The following FAM107A variants were observed in gnomAD, a reference collection of about 807,000 sequenced individuals.
The protein encoded by FAM107A is family with sequence similarity 107 member A, also known as actin-associated protein FAM107A.
FAM107A carries 19 observed loss-of-function variants against 13.7 expected under a neutral mutation model. That is an observed-to-expected ratio of 1.38 (90% CI 0.97 to 2.03). The LOEUF is 2.03. Among genes scored for constraint, FAM107A ranks in the 30% most tolerant of loss-of-function variants. The pLI, the probability that FAM107A is intolerant of heterozygous loss-of-function variation, is 0.00. For missense variants in FAM107A, 203 were observed against 184.4 expected (o/e 1.10, Z -0.58); for synonymous variants, 82 against 74.5 (o/e 1.10, Z -0.52).
chr3:58,566,483 A>T lies in FAM107A; in HGVS notation c.*105T>A. 2 of 803,156 alleles carry T rather than the reference A, an allele frequency of 2.5e-6. No homozygotes were observed. Among genetic ancestry groups the T allele is most frequent in the Non-Finnish European group, 4.2e-6 (2 of 481,700 alleles). The allele number at this position is 803,156 out of a possible 1,614,324, so 49.8% of individuals were successfully genotyped here. A position where few individuals can be genotyped will look rare whatever the true frequency, so the allele number is the denominator to read the frequency against. On this transcript the variant is annotated 3_prime_UTR_variant, in exon 4 of 4. Coordinates refer to ENST00000360997, the MANE Select transcript of FAM107A (RefSeq NM_001076778.3). ...CATTTCTACAGAAGCAGGTGGGAAC[A>T]TCACAGACGTCCCAGGGCCTGGGGC...
upstream of FAM107A, chr3:58,589,201 C>A (rs1034439502): frequency 6.5e-7 from 1 of 1,529,044 alleles, no homozygotes; most frequent in Admixed American, 2.0e-5. Context: ...GCGGGTCTGA[C>A]TTACCTGAGC....
chr3:58,603,049 G>C (rs1243511133), intron 1 of FAM107A, among the ~76,000 whole-genome samples: 1 of 152,174 alleles, frequency 6.6e-6, no homozygotes, highest in Non-Finnish European at 1.5e-5. Context: ...CATTTTCATA[G>C]TTCTCTGCAT....
At position 58,617,642 on chromosome 3, in the gene FAM107A, G is replaced by A. The variant is rs1002728800; in HGVS notation, c.-70+9774C>T. 1.3e-5 allele frequency among the ~76,000 whole-genome samples: 2 copies of A among 152,066 alleles called. No individual in the cohort carries two copies. The highest frequency in any genetic ancestry group is 2.9e-5 in the Non-Finnish European group (2 of 68,008). ...GGCCCAGGGAGGGAGCTGCGTTTTTGGGTTTCTGCCTGCGAGAAAACCGGC... is the reference window on the plus strand; with the variant it reads ...GGCCCAGGGAGGGAGCTGCGTTTTTAGGTTTCTGCCTGCGAGAAAACCGGC... On this transcript the variant is annotated intron_variant, in intron 1 of 3. Transcript: ENST00000465970. The surrounding 1 kb of genome is among the most constrained non-coding windows in gnomAD (Gnocchi z 4.5).
intron 1 of FAM107A, chr3:58,570,462 C>T: frequency 2.8e-6 from 2 of 704,452 alleles, no homozygotes; most frequent in Non-Finnish European, 3.5e-6. Context: ...TTTGGCTACT[C>T]AATGGCCCCA....
chr3:58,605,205 C>G (rs973874126), intron 1 of FAM107A, among the ~76,000 whole-genome samples: 1 of 152,180 alleles, frequency 6.6e-6, no homozygotes, highest in Non-Finnish European at 1.5e-5. Flanking sequence ...GGATGAAGGT[C>G]TCTCCAATGT....
chr3:58,589,235 T>G (rs1436827422), upstream of FAM107A: 7 of 1,535,544 alleles, frequency 4.6e-6, no homozygotes, highest in Admixed American at 2.0e-5. Flanking sequence ...CTTCTCATTT[T>G]CACTATGAAA....
chr3:58,614,184 G>T (rs2065880315), intron 1 of FAM107A, among the ~76,000 whole-genome samples: 1 of 152,226 alleles, frequency 6.6e-6, no homozygotes, highest in Non-Finnish European at 1.5e-5. Context: ...AGTGGGATGT[G>T]GCTAAAAAGA....
intron 1 of FAM107A, among the ~76,000 whole-genome samples, chr3:58,603,697 T>A (rs2065770769): frequency 6.6e-6 from 1 of 152,100 alleles, no homozygotes; most frequent in South Asian, 2.1e-4. Flanking sequence ...ACCTGCAAGA[T>A]GGGCTCAACC....
At chr3:58,568,075 T>A (rs962788780) in intron 2 of FAM107A, among the ~76,000 whole-genome samples, 2 of 151,974 alleles carry the variant, frequency 1.3e-5, no homozygotes, top group Admixed American at 6.6e-5. Flanking sequence ...GTGTTGGGAT[T>A]ACAGGTGTGA....
At chr3:58,609,708 G>C (rs2065835029) in intron 1 of FAM107A, among the ~76,000 whole-genome samples, 1 of 152,206 alleles carries the variant, frequency 6.6e-6, no homozygotes, top group Admixed American at 6.5e-5. Context: ...GCCACCTAGG[G>C]GGTCGTGGAG....
Position 58,586,904 on chromosome 3 carries a change from C to T in FAM107A, c.33G>A (p.Gly11=), listed in dbSNP as rs774889318. 48 of 1,532,140 alleles carry T rather than the reference C, an allele frequency of 3.1e-5. No homozygotes were observed. The East Asian group carries it at 8.4e-4, about 27-fold the overall frequency. The allele number at this position is 1,532,140 out of a possible 1,614,324, so 94.9% of individuals were successfully genotyped here. Residue 11 remains glycine, a synonymous_variant, in exon 1 of 4, where the codon GGG becomes GGA. Coordinates refer to the FAM107A transcript ENST00000447756. ...GGTAGAGCCCGGTGGCATCGGAGGG[C>T]CCCCGGGCCCACTCGCCCAGCCTCT...
intron 1 of FAM107A, among the ~76,000 whole-genome samples, chr3:58,622,949 C>G (rs114007141): frequency 6.6e-6 from 1 of 152,250 alleles, no homozygotes; most frequent in South Asian, 2.1e-4. Context: ...TCAGAGAAGC[C>G]GTCTGAGGCG....
intron 1 of FAM107A, among the ~76,000 whole-genome samples, chr3:58,600,709 T>C (rs1046795790): frequency 1.6e-4 from 25 of 152,356 alleles, no homozygotes; most frequent in South Asian, 4.1e-4. Flanking sequence ...GCTGAAATTT[T>C]AGTCTTATTT....
chr3:58,626,898 G>T, intron 1 of FAM107A: 1 of 1,453,908 alleles, frequency 6.9e-7, no homozygotes, highest in Non-Finnish European at 9.3e-7. Flanking sequence ...TAGGTGGGTC[G>T]GGGCTCCCAC....
At chr3:58,567,799 A>C (rs1466188832) in intron 2 of FAM107A, among the ~76,000 whole-genome samples, 1 of 152,190 alleles carries the variant, frequency 6.6e-6, no homozygotes, top group African/African-American at 2.4e-5. Context: ...CACCATCACC[A>C]GCCAATCTTT....
At position 58,604,042 on chromosome 3, in the gene FAM107A, C is replaced by G. The variant is rs1575452476; in HGVS notation, c.-69-14773G>C. On this transcript the variant is annotated intron_variant, in intron 1 of 3. Coordinates refer to the FAM107A transcript ENST00000465970. This position sits in a 1 kb window ranked among gnomAD's most constrained non-coding sequence, Gnocchi z 4.1. ...AGCCCTCCCAATAGCCCCTGCCCCA[C>G]CAGATGCCCCTCCGCCTGCTCTCTG... Among the ~76,000 whole-genome samples, 2 of 152,282 alleles carry G rather than the reference C, an allele frequency of 1.3e-5. No homozygotes were observed. Among genetic ancestry groups the G allele is most frequent in the Non-Finnish European group, 2.9e-5 (2 of 68,026 alleles).
upstream of FAM107A, among the ~76,000 whole-genome samples, chr3:58,587,518 T>G (rs939964361): frequency 1.5e-5 from 2 of 134,050 alleles, no homozygotes; most frequent in South Asian, 2.4e-4. Context: ...TGTGTGTGTG[T>G]GGCCCAGAAC....
intron 1 of FAM107A, among the ~76,000 whole-genome samples, chr3:58,603,889 G>A (rs932217197): frequency 2.0e-5 from 3 of 152,204 alleles, no homozygotes; most frequent in African/African-American, 7.2e-5. Context: ...CAGAGGTTAA[G>A]TAACTTCCTC....
chr3:58,623,745 C>T (rs1166444702), intron 1 of FAM107A, among the ~76,000 whole-genome samples: 1 of 152,206 alleles, frequency 6.6e-6, no homozygotes, highest in East Asian at 1.9e-4. Flanking sequence ...TGACCCTGAG[C>T]CTCTTGCTTA....
Sources: gnomAD v4.1 joint callset for allele counts (sites outside exome capture counted in the v4.1 genomes callset) on GRCh38, gnomAD v4.1.1 for gene constraint, Gnocchi (gnomAD v3.1) non-coding constraint, MANE v1.5 for transcripts, NCBI Gene and HGNC (gene_info 2026-07-23, HGNC 2026-07-21) for gene names.